ATP11A: variants seen among roughly 807,000 people sequenced by gnomAD.
ATP11A encodes the protein ATPase phospholipid transporting 11A.
In ATP11A, 81 loss-of-function variants were observed where a neutral mutation model predicts 154.4. The observed-to-expected ratio is 0.52, with a 90% CI of 0.44 to 0.63. The LOEUF (loss-of-function observed/expected upper bound fraction) is 0.63. Among genes scored for constraint, ATP11A ranks in the 30% least tolerant of loss-of-function variants. ATP11A has a pLI of 0.00. For synonymous variants in ATP11A, 623 were observed against 585.9 expected, an observed-to-expected ratio of 1.06 and a Z score of -0.91; for missense variants, 1,316 against 1,474.3, an observed-to-expected ratio of 0.89 and a Z score of 1.76.
chr13:112,798,147 G>A (rs765622608), intron 2 of ATP11A, among the ~76,000 whole-genome samples: 10 of 152,212 alleles, frequency 6.6e-5, no homozygotes, highest in East Asian at 1.9e-4. Flanking sequence ...GGAGGAGCCC[G>A]CATGGCGGAA....
chr13:112,798,485 T>C (rs2078055331), intron 2 of ATP11A, among the ~76,000 whole-genome samples: 2 of 152,140 alleles, frequency 1.3e-5, no homozygotes, highest in South Asian at 4.1e-4. Context: ...GATAATAGCA[T>C]TTACTCAGTG....
chr13:112,723,733 G>T (rs1346697423), intron 1 of ATP11A, among the ~76,000 whole-genome samples: 1 of 152,076 alleles, frequency 6.6e-6, no homozygotes, highest in East Asian at 1.9e-4. Flanking sequence ...GACCAAGAAG[G>T]GATCCATTCA....
At chr13:112,817,080 T>C (rs1002405558) in intron 6 of ATP11A, among the ~76,000 whole-genome samples, 1 of 152,242 alleles carries the variant, frequency 6.6e-6, no homozygotes, top group Non-Finnish European at 1.5e-5. Context: ...GCTACAAGAA[T>C]TTTAATTGTC....
chr13:112,853,313 C>T (rs1395369748), intron 18 of ATP11A, among the ~76,000 whole-genome samples: 2 of 152,074 alleles, frequency 1.3e-5, no homozygotes, highest in Admixed American at 1.3e-4. Flanking sequence ...TATACACATA[C>T]ATACACACAC....
At chr13:112,824,889 G>A (rs2078893075) in intron 10 of ATP11A, among the ~76,000 whole-genome samples, 1 of 152,226 alleles carries the variant, frequency 6.6e-6, no homozygotes, top group Non-Finnish European at 1.5e-5. Context: ...AGCTGAATTT[G>A]TGCTGGAAAA....
chr13:112,855,997 C>G lies in ATP11A; in HGVS notation c.2330C>G (p.Ser777Cys). 1 of 1,614,196 alleles carries G rather than the reference C, an allele frequency of 6.2e-7. No homozygotes were observed. The highest frequency in any genetic ancestry group is 8.5e-7 in the Non-Finnish European group (1 of 1,180,036). ...LIMKPREDGS[S>C]GNYRELFLEI... ...ATGAAGCCTCGAGAAGACGGGAGTT[C>G]CGGCAACTACAGGGAGCTCTTCCTG... The change falls in exon 20 of 30, where the codon TCC (serine) becomes TGC (cysteine). Residue 777 changes from serine to cysteine, a missense_variant. Physicochemically the swap from Ser to Cys is moderately radical, Grantham distance 112. Around this residue, in one of 5 missense-constraint regions of ATP11A, gnomAD observed 876 missense variants for 1,006.8 expected, o/e 0.87. Transcript: ENST00000375645.
intron 1 of ATP11A, among the ~76,000 whole-genome samples, chr13:112,759,840 G>A (rs1460625394): frequency 3.3e-5 from 5 of 152,064 alleles, no homozygotes; most frequent in East Asian, 1.9e-4. Flanking sequence ...AGATAATCAC[G>A]TTAATTTTTG....
intron 1 of ATP11A, among the ~76,000 whole-genome samples, chr13:112,744,721 C>A (rs962405942): frequency 1.3e-5 from 2 of 152,222 alleles, no homozygotes; most frequent in Non-Finnish European, 2.9e-5. Context: ...GACTCTTAGT[C>A]ACCCGGCTGG....
At chr13:112,869,390 C>T (rs1174055889) in intron 25 of ATP11A, among the ~76,000 whole-genome samples, 1 of 152,186 alleles carries the variant, frequency 6.6e-6, no homozygotes, top group Non-Finnish European at 1.5e-5. Flanking sequence ...TCTGCCATTA[C>T]CCCCTAAACC....
At position 112,754,949 on chromosome 13, in the gene ATP11A, G is replaced by A. The variant is rs1207293482; in HGVS notation, c.40-30186G>A. Among the ~76,000 whole-genome samples the A allele has an allele frequency of 1.3e-5, 2 of 152,196 alleles. No homozygotes were observed. Among genetic ancestry groups the A allele is most frequent in the African/African-American group, 2.4e-5 (1 of 41,448 alleles). Reference sequence around the variant, plus strand: ...AGCGCGTGTGCCTGACCTGCTCCGCGGTGGGCGCAGAGCTCCTGCCGAGGG... The same window carrying A: ...AGCGCGTGTGCCTGACCTGCTCCGCAGTGGGCGCAGAGCTCCTGCCGAGGG... On this transcript the variant is annotated intron_variant, in intron 1 of 29. Coordinates refer to ENST00000375645, the MANE Select transcript of ATP11A (RefSeq NM_015205.3). The surrounding 1 kb of genome is among the most constrained non-coding windows in gnomAD (Gnocchi z 5.3).
chr13:112,692,885 A>G (rs944349571), intron 1 of ATP11A, among the ~76,000 whole-genome samples: 1 of 152,232 alleles, frequency 6.6e-6, no homozygotes, highest in African/African-American at 2.4e-5. Context: ...CTACAGAAAA[A>G]AGAGTCTGGG....
At chr13:112,729,901 C>T (rs925173343) in intron 1 of ATP11A, among the ~76,000 whole-genome samples, 1 of 152,232 alleles carries the variant, frequency 6.6e-6, no homozygotes, top group Non-Finnish European at 1.5e-5. Flanking sequence ...TAAATGGCTC[C>T]TGACAATGGT....
rs1375440134 is a variant in ATP11A, at chr13:112,834,591, T to C, written c.1562T>C (p.Leu521Pro). Residue 521 changes from leucine (L) to proline (P), a missense_variant and splice_region_variant, in exon 15 of 30, where the codon CTT becomes CCT. Leu to Pro is a moderately conservative substitution (Grantham distance 98). Around this residue, in one of 5 missense-constraint regions of ATP11A, gnomAD observed 876 missense variants for 1,006.8 expected, o/e 0.87. Transcript: ENST00000375645. Reference sequence around the variant, plus strand: ...CGAGGTTTCCCTTCTCATTGCAGACTTGGCTTTACCTACCTAAGGCTGAAG... The same window carrying C: ...CGAGGTTTCCCTTCTCATTGCAGACCTGGCTTTACCTACCTAAGGCTGAAG... ...EVALVEGVQRLGFTYLRLKDN... is the reference protein window; with the variant it reads ...EVALVEGVQRPGFTYLRLKDN... 2 of 1,612,644 alleles carry C rather than the reference T, an allele frequency of 1.2e-6. No individual in the cohort carries two copies. The highest frequency in any genetic ancestry group is 1.7e-6 in the Non-Finnish European group (2 of 1,178,798).
intron 3 of ATP11A, among the ~76,000 whole-genome samples, chr13:112,805,780 G>A (rs546820082): frequency 6.9e-4 from 105 of 151,898 alleles, no homozygotes; most frequent in Non-Finnish European, 1.2e-3. Flanking sequence ...AAAATATCTC[G>A]GGGTATGAGT....
intron 1 of ATP11A, among the ~76,000 whole-genome samples, chr13:112,778,102 A>G (rs529533705): frequency 6.6e-6 from 1 of 152,374 alleles, no homozygotes; most frequent in South Asian, 2.1e-4. Context: ...GAAATGAGTC[A>G]GATGGGCATG....
At position 112,859,431 on chromosome 13, in the gene ATP11A, C is replaced by T. The variant is rs1461322199; in HGVS notation, c.2706C>T (p.Phe902=). 1.2e-6 allele frequency: 2 copies of T among 1,614,034 alleles called. No homozygotes were observed. Among genetic ancestry groups the T allele is most frequent in the Non-Finnish European group, 1.7e-6 (2 of 1,179,918 alleles). ...TCTTCCCTCAGTTTTTATACCAGTT[C>T]TTCTGTGGGTTTTCACAACAGGTCA... ...CFIFPQFLYQ[F]FCGFSQQTLY... The change falls in exon 23 of 30, where the codon TTC becomes TTT. Residue 902 remains phenylalanine, a synonymous_variant. Transcript: ENST00000375645. This position sits in a 1 kb window ranked among gnomAD's most constrained non-coding sequence, Gnocchi z 4.3.
chr13:112,864,835 T>C (rs1594218333), intron 25 of ATP11A, among the ~76,000 whole-genome samples: 3 of 75,266 alleles, frequency 4.0e-5, no homozygotes, highest in Non-Finnish European at 2.6e-5. Context: ...GTGCAGCCCA[T>C]GCAGCTTCCC....
Position 112,862,517 on chromosome 13 carries a change from T to C in ATP11A, c.2933T>C (p.Val978Ala). The C allele has an allele frequency of 6.2e-7, 1 of 1,614,190 alleles. No homozygotes were observed. The highest frequency in any genetic ancestry group is 8.5e-7 in the Non-Finnish European group (1 of 1,180,022). ...CTCCTGGGACTGTTTGACGCACTGG[T>C]GTTCTTCTTTGGTGCTTATTTCGTG... is the stretch of plus-strand genomic sequence containing the variant. ...WTLLGLFDAL[V>A]FFFGAYFVFE... The change falls in exon 25 of 30, where the codon GTG becomes GCG. Residue 978 changes from valine to alanine, a missense_variant. Val to Ala is a moderately conservative substitution (Grantham distance 64). Around this residue, in one of 5 missense-constraint regions of ATP11A, gnomAD observed 294 missense variants for 290.2 expected, o/e 1.01. Coordinates refer to ENST00000375645, the MANE Select transcript of ATP11A (RefSeq NM_015205.3).
chr13:112,734,192 G>A (rs932290633), intron 1 of ATP11A, among the ~76,000 whole-genome samples: 1 of 152,112 alleles, frequency 6.6e-6, no homozygotes, highest in African/African-American at 2.4e-5. Flanking sequence ...CCCTCTGGAC[G>A]TGGCCTCCCA....
Sources: gnomAD v4.1 joint callset for allele counts (sites outside exome capture counted in the v4.1 genomes callset) on GRCh38, gnomAD v4.1.1 for gene constraint, gnomAD v4.1.1 regional missense constraint, Gnocchi (gnomAD v3.1) non-coding constraint, MANE v1.5 for transcripts, NCBI Gene and HGNC (gene_info 2026-07-23, HGNC 2026-07-21) for gene names.